PI4K2A: variants seen among roughly 807,000 people sequenced by gnomAD.
The protein encoded by PI4K2A is phosphatidylinositol 4-kinase type 2 alpha.
PI4K2A carries 20 observed loss-of-function variants against 55.0 expected under a neutral mutation model. The observed-to-expected ratio is 0.36, with a 90% CI of 0.26 to 0.53. PI4K2A has a LOEUF of 0.53. PI4K2A is among the 20% of genes least tolerant of loss of function. The pLI, the probability that PI4K2A is intolerant of heterozygous loss-of-function variation, is 0.91. For synonymous variants in PI4K2A, 235 were observed against 258.5 expected, an observed-to-expected ratio of 0.91 and a Z score of 0.87; for missense variants, 463 against 637.1, an observed-to-expected ratio of 0.73 and a Z score of 2.94.
rs1338349135 is a variant in PI4K2A, at chr10:97,660,070, C to T, written c.923-2837C>T. Among the ~76,000 whole-genome samples, 23 of 138,634 alleles carry T rather than the reference C, an allele frequency of 1.7e-4. 1 individual carries two copies. Among genetic ancestry groups the T allele is most frequent in the African/African-American group, 4.4e-4 (16 of 36,682 alleles). The allele number at this position is 138,634 out of a possible 152,430, so 90.9% of individuals were successfully genotyped here. ...AGGCTGGAGTGCAGTGGCGCGATCT[C>T]GGCTCACTGCAACCTCCGCCTCCCG... On this transcript the variant is annotated intron_variant, in intron 4 of 8. Coordinates refer to ENST00000370631, the Ensembl canonical transcript of PI4K2A.
chr10:97,644,424 A>G (rs1412749662), intron 1 of PI4K2A, among the ~76,000 whole-genome samples: 1 of 152,214 alleles, frequency 6.6e-6, no homozygotes, highest in South Asian at 2.1e-4. Flanking sequence ...GAATTTGACT[A>G]TATGTGACAG....
At chr10:97,657,232 C>T (rs2041559311) in intron 4 of PI4K2A, among the ~76,000 whole-genome samples, 1 of 152,168 alleles carries the variant, frequency 6.6e-6, no homozygotes, top group African/African-American at 2.4e-5. Context: ...CTTGTAGCCT[C>T]AAGACCTGTA....
chr10:97,674,649 G>A (rs188008739), exon 9 of PI4K2A: 3 of 152,276 alleles, frequency 2.0e-5, no homozygotes, highest in Non-Finnish European at 2.9e-5. Flanking sequence ...TGTTCCTCTC[G>A]TTTTAAATTT....
At chr10:97,640,780 C>T in exon 1 of PI4K2A, 1 of 1,511,460 alleles carries the variant, frequency 6.6e-7, no homozygotes, top group Non-Finnish European at 8.9e-7. Context: ...CCCGAGCGGG[C>T]CCAACCCCCG....
At chr10:97,642,924 C>CCTTTCTTT (rs199787458) in intron 1 of PI4K2A, among the ~76,000 whole-genome samples, 1 of 113,536 alleles carries the variant, frequency 8.8e-6, no homozygotes, top group Non-Finnish European at 1.8e-5. Context: ...TTCCTTCCTT[C>CCTTTCTTT]CTTTCTTTCC....
intron 5 of PI4K2A, among the ~76,000 whole-genome samples, chr10:97,664,496 CCA>C (rs1375365750): frequency 1.3e-5 from 2 of 152,212 alleles, no homozygotes; most frequent in African/African-American, 4.8e-5. Flanking sequence ...GAGTCAAGGT[CCA>C]CACAAAAGGA....
intron 5 of PI4K2A, among the ~76,000 whole-genome samples, chr10:97,664,020 G>A (rs2041598843): frequency 6.6e-6 from 1 of 152,026 alleles, no homozygotes; most frequent in Admixed American, 6.6e-5. Flanking sequence ...TTGCTATGTT[G>A]CCCAGGGTGG....
At chr10:97,648,157 G>A (rs1276679406) in intron 1 of PI4K2A, among the ~76,000 whole-genome samples, 1 of 144,362 alleles carries the variant, frequency 6.9e-6, no homozygotes, top group Non-Finnish European at 1.5e-5. Context: ...GCAATGGCAT[G>A]ATCTCGGCTC....
At position 97,671,897 on chromosome 10, in the gene PI4K2A, G is replaced by A. The variant is rs904457913; in HGVS notation, c.1279-1684G>A. Among the ~76,000 whole-genome samples the A allele has an allele frequency of 5.3e-5, 8 of 151,980 alleles. 1 individual carries two copies. Among genetic ancestry groups the A allele is most frequent in the Non-Finnish European group, 1.2e-4 (8 of 68,010 alleles). On this transcript the variant is annotated intron_variant, in intron 8 of 8. Transcript: ENST00000370631. ...TCAAACTCCTGACCTCAGGTGACCC[G>A]CCCACTTCGGCCTCCCAAAGTGCTA...
chr10:97,668,253 T>G (rs1229840873), intron 8 of PI4K2A, among the ~76,000 whole-genome samples: 1 of 152,180 alleles, frequency 6.6e-6, no homozygotes, highest in African/African-American at 2.4e-5. Flanking sequence ...TCTCCTTCCC[T>G]TAGTTTCCTC....
Position 97,656,739 on chromosome 10 carries a change from T to C in PI4K2A, c.769-82T>C, listed in dbSNP as rs1009820242. ...CTCTGATACAAACTCCATAGGGCCTTAATGGGTATCTGGCATATACTCCAA... is the reference window on the plus strand; with the variant it reads ...CTCTGATACAAACTCCATAGGGCCTCAATGGGTATCTGGCATATACTCCAA... On this transcript the variant is annotated intron_variant, in intron 3 of 8. Transcript: ENST00000370631. This position sits in a 1 kb window ranked among gnomAD's most constrained non-coding sequence, Gnocchi z 4.5. The C allele has an allele frequency of 3.9e-6, 5 of 1,284,298 alleles. No individual in the cohort carries two copies. The Admixed American group carries it at 7.4e-5, about 19-fold the overall frequency. 79.6% of individuals were successfully genotyped at this position (1,284,298 alleles called of 1,614,324 possible).
At chr10:97,669,665 A>C (rs1453793315) in intron 8 of PI4K2A, among the ~76,000 whole-genome samples, 2 of 152,164 alleles carry the variant, frequency 1.3e-5, no homozygotes, top group African/African-American at 4.8e-5. Context: ...TGTGTGCACT[A>C]CAAAATTTCT....
At chr10:97,661,431 C>T (rs574554492) in intron 4 of PI4K2A, among the ~76,000 whole-genome samples, 8 of 151,430 alleles carry the variant, frequency 5.3e-5, no homozygotes, top group Admixed American at 3.3e-4. Flanking sequence ...GTTTGGATTA[C>T]CCCAGTTGTT....
At chr10:97,661,339 C>T (rs2041582638) in intron 4 of PI4K2A, among the ~76,000 whole-genome samples, 1 of 151,476 alleles carries the variant, frequency 6.6e-6, no homozygotes, top group South Asian at 2.1e-4. Flanking sequence ...TTATAGCATC[C>T]ATAGATACCT....
At chr10:97,658,727 ATCTGCAT>A (rs2041567388) in intron 4 of PI4K2A, among the ~76,000 whole-genome samples, 1 of 152,074 alleles carries the variant, frequency 6.6e-6, no homozygotes, top group African/African-American at 2.4e-5. Flanking sequence ...TTCATATTTA[ATCTGCAT>A]TCTGCTGAAT....
chr10:97,657,668 C>CG (rs2041562021), intron 4 of PI4K2A, among the ~76,000 whole-genome samples: 1 of 122,138 alleles, frequency 8.2e-6, no homozygotes, highest in African/African-American at 2.9e-5. Context: ...ACTCTGTTTC[C>CG]AAAAAAAAAA....
In PI4K2A at chr10:97,640,712, G is replaced by T. The variant is rs746438051; in HGVS notation, c.-31G>T. On this transcript the variant is annotated 5_prime_UTR_variant, in exon 1 of 9. Transcript: ENST00000370631. Reference sequence around the variant, plus strand: ...GGCCGCGAGCGCAGTGGTGTGGAGCGCGCCGGGTCCCGGAGCCGGCTGTCT... The same window carrying T: ...GGCCGCGAGCGCAGTGGTGTGGAGCTCGCCGGGTCCCGGAGCCGGCTGTCT... 7.0e-6 allele frequency: 10 copies of T among 1,430,592 alleles called. No individual in the cohort carries two copies. In the East Asian group the frequency reaches 2.5e-4, roughly 35 times the overall value. 88.6% of individuals were successfully genotyped at this position (1,430,592 alleles called of 1,614,324 possible).
chr10:97,643,847 AAAT>A (rs1214092477), intron 1 of PI4K2A, among the ~76,000 whole-genome samples: 2 of 152,222 alleles, frequency 1.3e-5, no homozygotes, highest in African/African-American at 2.4e-5. Context: ...AGTGCTTTAC[AAAT>A]AATAACTCAC....
Position 97,649,609 on chromosome 10 carries a change from A to ATTTTT in PI4K2A, c.436-1305_436-1301dup, listed in dbSNP as rs60329004. 6.5e-3 allele frequency among the ~76,000 whole-genome samples: 456 copies of ATTTTT among 70,528 alleles called. 76 individuals carry two copies. Among genetic ancestry groups the ATTTTT allele is most frequent in the Non-Finnish European group, 9.1e-3 (295 of 32,354 alleles). The allele number at this position is 70,528 out of a possible 152,430, so 46.3% of individuals were successfully genotyped here. ...TTTCCTTAACCTCATTCCATAATAG[A>ATTTTT]TTTTTTTTTTTTTTTTTTTTTTTTT... On this transcript the variant is annotated intron_variant, in intron 1 of 8. Transcript: ENST00000370631.
Sources: allele counts gnomAD v4.1 joint callset (sites outside exome capture counted in the v4.1 genomes callset), GRCh38; gene constraint gnomAD v4.1.1; non-coding constraint Gnocchi (gnomAD v3.1); transcripts MANE v1.5; gene names NCBI Gene and HGNC (gene_info 2026-07-23, HGNC 2026-07-21).